The following ENPP3 variants were observed in gnomAD, a reference collection of about 807,000 sequenced individuals.
ENPP3 encodes ectonucleotide pyrophosphatase/phosphodiesterase family member 3.
In ENPP3, 104 loss-of-function variants were observed where a neutral mutation model predicts 117.8. The ratio of observed to expected loss-of-function variants is 0.88; its 90% CI spans 0.75 to 1.04. ENPP3 has a LOEUF of 1.04. Among genes scored for constraint, ENPP3 ranks in the 50% least tolerant of loss-of-function variants. The probability of loss-of-function intolerance (pLI) is 0.00; values close to 1 mark genes in which losing one functional copy is unlikely to be tolerated. For synonymous variants in ENPP3, 380 were observed against 349.9 expected, an observed-to-expected ratio of 1.09 and a Z score of -0.96; for missense variants, 1,026 against 1,051.9, an observed-to-expected ratio of 0.98 and a Z score of 0.34.
Position 131,651,832 on chromosome 6 carries a change from T to C in ENPP3, c.278-710T>C, listed in dbSNP as rs1778269752. 2.0e-5 allele frequency among the ~76,000 whole-genome samples: 3 copies of C among 152,332 alleles called. No homozygotes were observed. The South Asian group carries it at 6.2e-4, about 32-fold the overall frequency. On this transcript the variant is annotated intron_variant, in intron 3 of 24. Transcript: ENST00000357639. Reference sequence around the variant, plus strand: ...CTTCTGTTTCTATGTAAATGAGAAATGCTGGGGAAGGAAGAAATCTATATG... The same window carrying C: ...CTTCTGTTTCTATGTAAATGAGAAACGCTGGGGAAGGAAGAAATCTATATG...
chr6:131,730,531 G>A (rs964838879), intron 20 of ENPP3, among the ~76,000 whole-genome samples: 1 of 152,130 alleles, frequency 6.6e-6, no homozygotes, highest in Non-Finnish European at 1.5e-5. Context: ...ATTCTTGAGA[G>A]TTTTTGTGTC....
intron 14 of ENPP3, among the ~76,000 whole-genome samples, chr6:131,692,531 T>G (rs1779301721): frequency 1.3e-5 from 2 of 151,020 alleles, no homozygotes. Flanking sequence ...ACTTTTTAAT[T>G]TTTTTACTCA....
chr6:131,738,315 A>G, intron 23 of ENPP3, 152 bp downstream of exon 23: 2 of 666,138 alleles, frequency 3.0e-6, no homozygotes, highest in Non-Finnish European at 4.7e-6. Flanking sequence ...CTAAATATTT[A>G]GGAAAGCTTA....
chr6:131,687,999 G>T (rs867280930), intron 14 of ENPP3, among the ~76,000 whole-genome samples: 1 of 152,094 alleles, frequency 6.6e-6, no homozygotes, highest in Non-Finnish European at 1.5e-5. Flanking sequence ...TGGCAGCTCT[G>T]CACTGAGCAT....
Position 131,746,789 on chromosome 6 carries a change from G to C in ENPP3, c.2461G>C (p.Gly821Arg). The C allele has an allele frequency of 1.9e-6, 3 of 1,597,704 alleles. No individual in the cohort carries two copies. The highest frequency in any genetic ancestry group is 2.6e-6 in the Non-Finnish European group (3 of 1,175,006). ...GTGTTGTGCTTTTCTTTTTCAGGAA[G>C]GTAAACCAGAAGCTCTTTGGGTTGA... is the stretch of plus-strand genomic sequence containing the variant. ...RPTNVESCPE[G>R]KPEALWVEER... The change falls in exon 25 of 25, where the codon GGT becomes CGT. Residue 821 changes from glycine to arginine, a missense_variant. By Grantham distance (125) the Gly-to-Arg change is moderately radical. Transcript: ENST00000357639.
chr6:131,671,225 T>C lies in ENPP3; in HGVS notation c.563-23T>C, dbSNP rs780355862. The C allele has an allele frequency of 1.7e-5, 24 of 1,406,294 alleles. No homozygotes were observed. The Admixed American group carries it at 3.8e-4, about 22-fold the overall frequency. The allele number at this position is 1,406,294 out of a possible 1,614,324, so 87.1% of individuals were successfully genotyped here. On this transcript the variant is annotated intron_variant, in intron 6 of 24. Coordinates refer to ENST00000357639, the MANE Select transcript of ENPP3 (RefSeq NM_005021.5). ...AACTGAAGAAGAAACAACTTCCTAA[T>C]TTCTCACCATATTCTGTTGCAGAAA...
intron 6 of ENPP3, among the ~76,000 whole-genome samples, chr6:131,668,504 G>T (rs561835518): frequency 6.6e-5 from 10 of 152,014 alleles, no homozygotes; most frequent in African/African-American, 2.4e-4. Context: ...CGTGAGCACC[G>T]TGCCCGGCCT....
intron 10 of ENPP3, 31 bp downstream of exon 10, chr6:131,676,832 T>C (rs1405539929): frequency 2.8e-6 from 4 of 1,414,190 alleles, no homozygotes; most frequent in South Asian, 1.2e-5. Context: ...AGTGCTGGCA[T>C]AGTGGCATAT....
Position 131,740,336 on chromosome 6 carries a change from C to T in ENPP3, c.2413C>T (p.Pro805Ser). The change falls in exon 24 of 25, where the codon CCC becomes TCC. Residue 805 changes from proline to serine, a missense_variant. Pro to Ser is a moderately conservative substitution (Grantham distance 74, BLOSUM62 -1). Coordinates refer to ENST00000357639, the MANE Select transcript of ENPP3 (RefSeq NM_005021.5). ...CTGCCCTGGGTGGCTGGATGTCCTA[C>T]CCTTTATCATCCCTCACCGACCTAC... The part of the protein sequence containing the change: ...ENCPGWLDVL[P>S]FIIPHRPTNV... 6.2e-7 allele frequency: 1 copy of T among 1,612,234 alleles called. No homozygotes were observed. The highest frequency in any genetic ancestry group is 8.5e-7 in the Non-Finnish European group (1 of 1,179,086).
In ENPP3 at chr6:131,740,381, G is replaced by A; in HGVS notation, c.2457+1G>A. 3 of 1,601,144 alleles carry A rather than the reference G, an allele frequency of 1.9e-6. No individual in the cohort carries two copies. The highest frequency in any genetic ancestry group is 8.5e-7 in the Non-Finnish European group (1 of 1,173,864). Reference sequence around the variant, plus strand: ...ACCTACCAACGTGGAGAGCTGTCCTGTGAGTATGCTTTGGGAGGGTCCAGG... The same window carrying A: ...ACCTACCAACGTGGAGAGCTGTCCTATGAGTATGCTTTGGGAGGGTCCAGG... On this transcript the variant is annotated splice_donor_variant, in intron 24 of 24. Coordinates refer to ENST00000357639, the MANE Select transcript of ENPP3 (RefSeq NM_005021.5). LOFTEE classifies it high-confidence loss of function.
At chr6:131,721,168 A>G (rs1284076752) in intron 17 of ENPP3, among the ~76,000 whole-genome samples, 2 of 152,204 alleles carry the variant, frequency 1.3e-5, no homozygotes, top group Admixed American at 6.5e-5. Flanking sequence ...CTTCCTACCT[A>G]CGTGCTTGTT....
intron 6 of ENPP3, among the ~76,000 whole-genome samples, chr6:131,659,690 C>A (rs775383319): frequency 6.6e-6 from 1 of 152,148 alleles, no homozygotes; most frequent in Non-Finnish European, 1.5e-5. Context: ...TCTTCAGCTT[C>A]TCCCTCATTC....
intron 21 of ENPP3, among the ~76,000 whole-genome samples, chr6:131,734,139 G>A (rs1037227304): frequency 2.6e-5 from 4 of 152,080 alleles, no homozygotes; most frequent in African/African-American, 9.7e-5. Context: ...AAATAGGAAT[G>A]ATACAGAGAA....
At position 131,690,947 on chromosome 6, in the gene ENPP3, C is replaced by A. The variant is rs1779264942; in HGVS notation, c.1285-2550C>A. 2.0e-5 allele frequency among the ~76,000 whole-genome samples: 3 copies of A among 151,988 alleles called. No individual in the cohort carries two copies. The South Asian group carries it at 6.2e-4, about 32-fold the overall frequency. ...ATATGGTTTTCTTTTTGTTTTGTCACCTCATGATCCCTATAGCTGAAGCTC... is the reference window on the plus strand; with the variant it reads ...ATATGGTTTTCTTTTTGTTTTGTCAACTCATGATCCCTATAGCTGAAGCTC... On this transcript the variant is annotated intron_variant, in intron 14 of 24. Coordinates refer to ENST00000357639, the MANE Select transcript of ENPP3 (RefSeq NM_005021.5).
chr6:131,650,070 G>A lies in ENPP3; in HGVS notation c.198G>A (p.Leu66=), dbSNP rs1778230995. ...KKCFDASFRG[L]ENCRCDVACK... ...GCTTTGATGCATCATTTAGAGGACT[G>A]GAGAACTGCCGGTGTGATGTGGCAT... Residue 66 remains leucine (L), a synonymous_variant, in exon 3 of 25, where the codon CTG becomes CTA. Transcript: ENST00000357639. 1.2e-6 allele frequency: 2 copies of A among 1,614,024 alleles called. No individual in the cohort carries two copies. Among genetic ancestry groups the A allele is most frequent in the Non-Finnish European group, 1.7e-6 (2 of 1,179,952 alleles).
intron 6 of ENPP3, among the ~76,000 whole-genome samples, chr6:131,662,395 A>G (rs1043900876): frequency 7.9e-5 from 12 of 152,256 alleles, no homozygotes; most frequent in African/African-American, 2.4e-4. Context: ...ACTGCATGCC[A>G]CCATGACTGG....
intron 6 of ENPP3, among the ~76,000 whole-genome samples, chr6:131,665,609 A>G (rs1778600391): frequency 6.6e-6 from 1 of 151,820 alleles, no homozygotes; most frequent in Non-Finnish European, 1.5e-5. Context: ...GATTTTATTT[A>G]TTTGAGTTTT....
At chr6:131,660,943 A>C (rs1172484849) in intron 6 of ENPP3, among the ~76,000 whole-genome samples, 1 of 152,170 alleles carries the variant, frequency 6.6e-6, no homozygotes. Context: ...CTATGATTTT[A>C]ACTATTTTAG....
At chr6:131,687,554 C>A (rs1255427706) in intron 14 of ENPP3, among the ~76,000 whole-genome samples, 2 of 152,100 alleles carry the variant, frequency 1.3e-5, no homozygotes, top group Non-Finnish European at 2.9e-5. Context: ...AAGAAACTAT[C>A]AACAGAGCAA....
Sources: gnomAD v4.1 joint callset for allele counts (sites outside exome capture counted in the v4.1 genomes callset) on GRCh38, gnomAD v4.1.1 for gene constraint, MANE v1.5 for transcripts, NCBI Gene and HGNC (gene_info 2026-07-23, HGNC 2026-07-21) for gene names.